SENP7: variants seen among roughly 807,000 people sequenced by gnomAD.
SENP7 encodes the protein sentrin-specific protease 7.
SENP7 carries 64 observed loss-of-function variants against 141.2 expected under a neutral mutation model. That is an observed-to-expected ratio of 0.45 (90% CI 0.37 to 0.56). The LOEUF is 0.56. Among genes scored for constraint, SENP7 ranks in the 20% least tolerant of loss-of-function variants. The probability of loss-of-function intolerance (pLI) is 0.00; values close to 1 mark genes in which losing one functional copy is unlikely to be tolerated. For synonymous variants in SENP7, 382 were observed against 426.4 expected (o/e 0.90, Z 1.28); for missense variants, 1,025 against 1,212.2 (o/e 0.85, Z 2.29).
At chr3:101,463,592 A>T (rs1576432340) in intron 3 of SENP7, among the ~76,000 whole-genome samples, 1 of 151,546 alleles carries the variant, frequency 6.6e-6, no homozygotes, top group Middle Eastern at 3.4e-3. Flanking sequence ...TAAGAATGAC[A>T]TTGGTGAACT....
intron 1 of SENP7, among the ~76,000 whole-genome samples, chr3:101,511,473 T>C (rs55699383): frequency 0.01 from 1,532 of 152,306 alleles, 28 homozygotes; most frequent in African/African-American, 0.034. Flanking sequence ...CTAAGCATTG[T>C]GCGTTTTCCT....
intron 4 of SENP7, among the ~76,000 whole-genome samples, chr3:101,439,536 G>A (rs1459625619): frequency 7.9e-5 from 4 of 50,780 alleles, no homozygotes; most frequent in African/African-American, 1.6e-4. Flanking sequence ...CGTGCCGTCC[G>A]GGAGGGAGGT....
chr3:101,449,953 A>C (rs375870657), intron 4 of SENP7, among the ~76,000 whole-genome samples: 6 of 152,310 alleles, frequency 3.9e-5, no homozygotes, highest in Admixed American at 3.3e-4. Context: ...TCAGTGTGCT[A>C]TATTCAGGAA....
chr3:101,342,500 A>C (rs2059352489), intron 14 of SENP7, among the ~76,000 whole-genome samples: 1 of 152,172 alleles, frequency 6.6e-6, no homozygotes, highest in East Asian at 1.9e-4. Context: ...AAATTCCCCT[A>C]ATCTTATCAT....
chr3:101,372,167 C>A, intron 6 of SENP7, 41 bp from the exon 7 acceptor site: 1 of 1,093,718 alleles, frequency 9.1e-7, no homozygotes, highest in Non-Finnish European at 1.3e-6. Flanking sequence ...CTAATAAAGC[C>A]CAAATGAATT....
rs527451212 is a variant in SENP7, at chr3:101,394,613, C to T, written c.677+4248G>A. Among the ~76,000 whole-genome samples, 23 of 151,946 alleles carry T rather than the reference C, an allele frequency of 1.5e-4. No individual in the cohort carries two copies. In the South Asian group the frequency reaches 3.7e-3, roughly 25 times the overall value. ...CTGTAAGCTCCGCCTCCCAGGTTCA[C>T]GCCATTCTCCTGCCTCAGCCTCCCG... is the stretch of plus-strand genomic sequence containing the variant. On this transcript the variant is annotated intron_variant, in intron 6 of 23. Transcript: ENST00000394095.
intron 3 of SENP7, among the ~76,000 whole-genome samples, chr3:101,477,782 T>C (rs1576472703): frequency 2.0e-5 from 3 of 149,716 alleles, no homozygotes; most frequent in Admixed American, 6.7e-5. Flanking sequence ...ACCTGGGAGG[T>C]AGAGGTTGCA....
At chr3:101,455,495 T>C (rs2063320530) in intron 4 of SENP7, among the ~76,000 whole-genome samples, 2 of 152,122 alleles carry the variant, frequency 1.3e-5, no homozygotes, top group Non-Finnish European at 1.5e-5. Context: ...ATGACTGATA[T>C]GCCAAATAAT....
intron 4 of SENP7, among the ~76,000 whole-genome samples, chr3:101,437,679 C>A (rs997608723): frequency 2.0e-5 from 3 of 152,028 alleles, no homozygotes; most frequent in African/African-American, 7.2e-5. Flanking sequence ...CCACTGCACT[C>A]CAGCCTGGGC....
At chr3:101,480,558 T>C (rs1359017544) in intron 3 of SENP7, among the ~76,000 whole-genome samples, 2 of 152,044 alleles carry the variant, frequency 1.3e-5, no homozygotes, top group African/African-American at 4.8e-5. Context: ...TACCTGAAAC[T>C]ATAAAACTAC....
intron 6 of SENP7, among the ~76,000 whole-genome samples, chr3:101,383,535 C>T (rs532287784): frequency 6.6e-6 from 1 of 152,304 alleles, no homozygotes; most frequent in Admixed American, 6.5e-5. Context: ...CCCCCATGCC[C>T]CCGCACACTC....
At chr3:101,388,345 A>G (rs777557034) in intron 6 of SENP7, among the ~76,000 whole-genome samples, 2 of 152,186 alleles carry the variant, frequency 1.3e-5, no homozygotes, top group Non-Finnish European at 2.9e-5. Context: ...CACTAACAAC[A>G]AAAACCTAAG....
At chr3:101,420,529 C>T (rs2061761258) in intron 4 of SENP7, among the ~76,000 whole-genome samples, 1 of 152,284 alleles carries the variant, frequency 6.6e-6, no homozygotes, top group South Asian at 2.1e-4. Context: ...CCACAAATAT[C>T]CTTTTTTCCT....
chr3:101,472,889 C>A (rs1221364985), intron 3 of SENP7, among the ~76,000 whole-genome samples: 1 of 152,048 alleles, frequency 6.6e-6, no homozygotes, highest in African/African-American at 2.4e-5. Flanking sequence ...AGCTATTTTA[C>A]CTGATGCTCT....
chr3:101,511,000 T>C (rs2065835283), intron 1 of SENP7, among the ~76,000 whole-genome samples: 1 of 152,160 alleles, frequency 6.6e-6, no homozygotes, highest in Admixed American at 6.5e-5. Context: ...ATATACGCTA[T>C]TAAGAAAAGC....
intron 5 of SENP7, among the ~76,000 whole-genome samples, chr3:101,404,400 C>G (rs1411485798): frequency 6.6e-6 from 1 of 152,022 alleles, no homozygotes; most frequent in African/African-American, 2.4e-5. Context: ...GATTTTTACA[C>G]CATATATAAA....
chr3:101,478,354 C>A (rs1430855192), intron 3 of SENP7, among the ~76,000 whole-genome samples: 1 of 151,892 alleles, frequency 6.6e-6, no homozygotes, highest in East Asian at 1.9e-4. Flanking sequence ...CCCACCTCTA[C>A]CAAAAAAAAA....
chr3:101,449,264 C>T (rs1427364785), intron 4 of SENP7, among the ~76,000 whole-genome samples: 5 of 152,128 alleles, frequency 3.3e-5, no homozygotes, highest in African/African-American at 9.7e-5. Flanking sequence ...CTGAAAGTGA[C>T]GGAGAGAATG....
intron 3 of SENP7, among the ~76,000 whole-genome samples, chr3:101,490,787 C>T (rs2064934586): frequency 6.6e-6 from 1 of 152,096 alleles, no homozygotes; most frequent in African/African-American, 2.4e-5. Flanking sequence ...TTGAAAACCA[C>T]TAAAAACAAC....
Sources: allele counts gnomAD v4.1 joint callset (sites outside exome capture counted in the v4.1 genomes callset), GRCh38; gene constraint gnomAD v4.1.1; transcripts MANE v1.5; gene names NCBI Gene and HGNC (gene_info 2026-07-23, HGNC 2026-07-21).